KLRD1: variants seen among roughly 807,000 people sequenced by gnomAD.
The protein encoded by KLRD1 is natural killer cells antigen CD94.
A neutral mutation model predicts 22.6 loss-of-function variants in KLRD1; 21 were observed. The observed-to-expected ratio is 0.93, with a 90% CI of 0.66 to 1.34. KLRD1 has a LOEUF of 1.34. KLRD1 is among the 40% of genes most tolerant of loss of function. The pLI is 0.00. For synonymous variants in KLRD1, 59 were observed against 71.1 expected (o/e 0.83, Z 0.85); for missense variants, 183 against 208.6 (o/e 0.88, Z 0.76).
intron 1 of KLRD1, among the ~76,000 whole-genome samples, chr12:10,294,336 A>T (rs1000549965): frequency 1.3e-5 from 2 of 152,210 alleles, no homozygotes; most frequent in African/African-American, 4.8e-5. Context: ...CCAGTTTGTC[A>T]AAGTGCATCC....
intron 1 of KLRD1, among the ~76,000 whole-genome samples, chr12:10,260,053 A>T (rs1275496562): frequency 6.6e-6 from 1 of 152,194 alleles, no homozygotes; most frequent in African/African-American, 2.4e-5. Flanking sequence ...TTTTTGCTCT[A>T]CTTAAATGGT....
intron 1 of KLRD1, among the ~76,000 whole-genome samples, chr12:10,244,173 G>GA (rs1318347911): frequency 1.3e-5 from 2 of 151,872 alleles, no homozygotes; most frequent in Non-Finnish European, 2.9e-5. Flanking sequence ...AGGGAATTTA[G>GA]AAAAAAATAT....
chr12:10,271,867 A>C (rs1402733531), intron 1 of KLRD1, among the ~76,000 whole-genome samples: 2 of 152,140 alleles, frequency 1.3e-5, no homozygotes, highest in African/African-American at 2.4e-5. Context: ...CTCTTTTAAA[A>C]AAATTCTTAG....
At chr12:10,267,928 G>A (rs2137639605) in intron 1 of KLRD1, among the ~76,000 whole-genome samples, 1 of 151,220 alleles carries the variant, frequency 6.6e-6, no homozygotes, top group African/African-American at 2.5e-5. Flanking sequence ...GGGAGAAAGG[G>A]TGTGCTTTTA....
chr12:10,301,842 G>C (rs1949868980), upstream of KLRD1, among the ~76,000 whole-genome samples: 1 of 152,176 alleles, frequency 6.6e-6, no homozygotes, highest in Non-Finnish European at 1.5e-5. Flanking sequence ...AGAGACATGA[G>C]AGTCTTCCTT....
At chr12:10,278,765 A>C (rs1470214572) in intron 1 of KLRD1, among the ~76,000 whole-genome samples, 1 of 152,182 alleles carries the variant, frequency 6.6e-6, no homozygotes. Context: ...TTCTTTTAAC[A>C]TGTAATGCAA....
chr12:10,256,172 T>C (rs1253284653), intron 1 of KLRD1, among the ~76,000 whole-genome samples: 2 of 151,994 alleles, frequency 1.3e-5, no homozygotes, highest in Non-Finnish European at 2.9e-5. Context: ...ATCTTTTCCA[T>C]TCTTTCATTT....
intron 1 of KLRD1, among the ~76,000 whole-genome samples, chr12:10,249,499 A>G (rs986982277): frequency 6.6e-6 from 1 of 152,286 alleles, no homozygotes; most frequent in Admixed American, 6.5e-5. Flanking sequence ...AAAGTTATAA[A>G]TATAGTAAGT....
At chr12:10,263,023 G>A (rs991325253) in intron 1 of KLRD1, among the ~76,000 whole-genome samples, 5 of 151,988 alleles carry the variant, frequency 3.3e-5, no homozygotes, top group Admixed American at 1.3e-4. Context: ...CACCTTAGAC[G>A]TAGTGTACGT....
At chr12:10,261,490 A>C (rs1565451741) in intron 1 of KLRD1, among the ~76,000 whole-genome samples, 1 of 152,210 alleles carries the variant, frequency 6.6e-6, no homozygotes, top group Non-Finnish European at 1.5e-5. Context: ...ATTAGTATCA[A>C]AATAGTCCTT....
chr12:10,308,852 A>G (rs1949985369), intron 1 of KLRD1: 1 of 154,330 alleles, frequency 6.5e-6, no homozygotes, highest in Non-Finnish European at 1.4e-5. Context: ...TATTGTGACA[A>G]TGGTAGACTA....
chr12:10,288,765 G>A (rs1231618958), intron 1 of KLRD1, among the ~76,000 whole-genome samples: 1 of 152,024 alleles, frequency 6.6e-6, no homozygotes. Flanking sequence ...AAGAATTAGA[G>A]GTAAATTATA....
rs887033427 is a variant in KLRD1, at chr12:10,316,967, T to C, written c.*2174T>C. The C allele has an allele frequency of 1.3e-5, 2 of 149,400 alleles. No individual in the cohort carries two copies. The highest frequency in any genetic ancestry group is 1.3e-4 in the Admixed American group (2 of 14,948). 9.3% of individuals were successfully genotyped at this position (149,400 alleles called of 1,614,324 possible). A position where few individuals can be genotyped will look rare whatever the true frequency, so the allele number is the denominator to read the frequency against. On this transcript the variant is annotated 3_prime_UTR_variant, in exon 6 of 6. Coordinates refer to ENST00000336164, the MANE Select transcript of KLRD1 (RefSeq NM_002262.5). ...CCCCCCGACAGGCCTTGGTCTGTGA[T>C]GTTCACCTCCCTGTGTCCATGTGTT...
intron 1 of KLRD1, among the ~76,000 whole-genome samples, chr12:10,246,895 TA>T (rs1949296010): frequency 6.6e-6 from 1 of 150,694 alleles, no homozygotes; most frequent in Non-Finnish European, 1.5e-5. Flanking sequence ...TCTAAATGAG[TA>T]GGGAATTTCT....
At chr12:10,281,175 A>G (rs1278941766) in intron 1 of KLRD1, among the ~76,000 whole-genome samples, 1 of 152,158 alleles carries the variant, frequency 6.6e-6, no homozygotes, top group African/African-American at 2.4e-5. Flanking sequence ...TGAGTACAGA[A>G]AAGGAGGAGG....
At chr12:10,308,689 A>AC (rs1482141585) in intron 1 of KLRD1, 1 of 153,060 alleles carries the variant, frequency 6.5e-6, no homozygotes, top group African/African-American at 2.4e-5. Context: ...CAAAGTTGTT[A>AC]CCCATCAATT....
chr12:10,303,632 G>A (rs928599089), upstream of KLRD1, among the ~76,000 whole-genome samples: 1 of 152,106 alleles, frequency 6.6e-6, no homozygotes, highest in Admixed American at 6.6e-5. Flanking sequence ...AAAATAACCA[G>A]CTTGAAATAT....
chr12:10,326,566 AAG>A lies in KLRD1; in HGVS notation c.*11777_*11778del, dbSNP rs1265134282. The A allele has an allele frequency of 6.6e-6, 1 of 152,278 alleles. No homozygotes were observed. Among genetic ancestry groups the A allele is most frequent in the Non-Finnish European group, 1.5e-5 (1 of 68,074 alleles). 9.4% of individuals were successfully genotyped at this position (152,278 alleles called of 1,614,324 possible). On this transcript the variant is annotated 3_prime_UTR_variant, in exon 6 of 6. Transcript: ENST00000336164. Reference sequence around the variant, plus strand: ...AGGAGGGGGCTTCCAGGTCACAGGTAAGAGACAAATGGTTGCACCTTTTTGTT... The same window carrying A: ...AGGAGGGGGCTTCCAGGTCACAGGTAAGACAAATGGTTGCACCTTTTTGTT...
At chr12:10,305,835 G>A (rs543024644), upstream of KLRD1, among the ~76,000 whole-genome samples, 2 of 152,246 alleles carry the variant, frequency 1.3e-5, no homozygotes, top group African/African-American at 4.8e-5. Flanking sequence ...ACAGTACATG[G>A]AAATCATTCA....
Sources: gnomAD v4.1 joint callset for allele counts (sites outside exome capture counted in the v4.1 genomes callset) on GRCh38, gnomAD v4.1.1 for gene constraint, MANE v1.5 for transcripts, NCBI Gene and HGNC (gene_info 2026-07-23, HGNC 2026-07-21) for gene names.